PDLIM7: variants seen among roughly 807,000 people sequenced by gnomAD.
PDLIM7 encodes PDZ and LIM domain protein 7.
A neutral mutation model predicts 53.9 loss-of-function variants in PDLIM7; 37 were observed. The ratio of observed to expected loss-of-function variants is 0.69; its 90% confidence interval spans 0.53 to 0.90. The LOEUF (loss-of-function observed/expected upper bound fraction) is 0.90, where lower values mean the gene tolerates loss of function less well. Ranked by LOEUF, PDLIM7 falls within the 40% of genes least tolerant of loss-of-function variation. PDLIM7 has a pLI of 0.00. For synonymous variants in PDLIM7, 300 were observed against 261.3 expected (o/e 1.15, Z -1.43); for missense variants, 617 against 638.5 (o/e 0.97, Z 0.36).
chr5:177,492,648 G>A lies in PDLIM7; in HGVS notation c.126C>T (p.Ala42=), dbSNP rs780318668. ...RLTPGGKAAQ[A]GVAVGDWVLS... is the part of the protein sequence containing the mutation. ...GCACCCAGTCACCCACGGCCACTCC[G>A]GCCTGCGCCGCTTTGCCCCCAGGAG... The change falls in exon 3 of 13, where the codon GCC becomes GCT. Residue 42 remains alanine, a synonymous_variant. Transcript: ENST00000355841. 24 of 1,607,498 alleles carry A rather than the reference G, an allele frequency of 1.5e-5. No individual in the cohort carries two copies. The East Asian group carries it at 2.5e-4, about 16-fold the overall frequency.
At chr5:177,484,012 C>T in intron 11 of PDLIM7, 30 bp from the exon 12 acceptor site, 1 of 1,613,360 alleles carries the variant, frequency 6.2e-7, no homozygotes, top group Non-Finnish European at 8.5e-7. Context: ...GAAAGAGGAC[C>T]TGGATTCATG....
At chr5:177,496,317 G>T in intron 2 of PDLIM7, 100 bp downstream of exon 2, 1 of 826,594 alleles carries the variant, frequency 1.2e-6, no homozygotes. Flanking sequence ...CTGGCCTGCT[G>T]GCCCCTGACC....
Position 177,483,455 on chromosome 5 carries a change from C to T in PDLIM7, c.*189G>A, listed in dbSNP as rs1003085696. The T allele has an allele frequency of 4.5e-5, 25 of 553,956 alleles. No individual in the cohort carries two copies. Among genetic ancestry groups the T allele is most frequent in the Non-Finnish European group, 7.0e-5 (22 of 315,468 alleles). The allele number at this position is 553,956 out of a possible 1,614,324, so 34.3% of individuals were successfully genotyped here. On this transcript the variant is annotated 3_prime_UTR_variant, in exon 13 of 13. Coordinates refer to ENST00000355841, the MANE Select transcript of PDLIM7 (RefSeq NM_005451.5). ...GAAAGGGGGCTGGTGTGGCCAGCAC[C>T]GGTGTGCTGTGGTGGTGGAGGGAGT...
At chr5:177,489,167 G>A (rs543809124) in intron 9 of PDLIM7, among the ~76,000 whole-genome samples, 5 of 152,354 alleles carry the variant, frequency 3.3e-5, no homozygotes, top group South Asian at 2.1e-4. Flanking sequence ...TTGGCCCTTC[G>A]GCTATTTCGC....
intron 10 of PDLIM7, among the ~76,000 whole-genome samples, chr5:177,486,733 G>C (rs973744909): frequency 4.0e-5 from 6 of 151,810 alleles, no homozygotes; most frequent in Non-Finnish European, 5.9e-5. Context: ...CTGCCTCCCA[G>C]GTTCACGCCA....
rs1435343875 is a variant in PDLIM7 at position 177,488,108 on chromosome 5, T to C, written c.1010A>G (p.Tyr337Cys). 1 of 1,611,776 alleles carries C rather than the reference T, an allele frequency of 6.2e-7. No individual in the cohort carries two copies. Among genetic ancestry groups the C allele is most frequent in the East Asian group, 2.2e-5 (1 of 44,810 alleles). The change falls in exon 10 of 13, where the codon TAT becomes TGT. Residue 337 changes from tyrosine (Y) to cysteine (C), a missense_variant. By Grantham distance (194) the Tyr-to-Cys change is radical. Transcript: ENST00000355841. ...CTTGCACTTGGCACAGCTGGGTGCATAGCGCACGTCATAGCATGGTGGGCA... is the reference window on the plus strand; with the variant it reads ...CTTGCACTTGGCACAGCTGGGTGCACAGCGCACGTCATAGCATGGTGGGCA... The part of the protein sequence containing the change: ...IFCPPCYDVR[Y>C]APSCAKCKKK...
At chr5:177,491,423 G>T in intron 5 of PDLIM7, 1 of 1,550,542 alleles carries the variant, frequency 6.4e-7, no homozygotes, top group Non-Finnish European at 8.7e-7. Flanking sequence ...GTCTGCACCT[G>T]TGAAGGAAAT....
At chr5:177,490,503 C>G (rs367787761) in intron 7 of PDLIM7, 1 of 1,558,584 alleles carries the variant, frequency 6.4e-7, no homozygotes, top group East Asian at 2.4e-5. Context: ...CGGGCTACGA[C>G]TGCACGTTGA....
In PDLIM7 at chr5:177,489,834, T is replaced by C; in HGVS notation, c.573-2A>G. 1 of 1,584,694 alleles carries C rather than the reference T, an allele frequency of 6.3e-7. No individual in the cohort carries two copies. The highest frequency in any genetic ancestry group is 8.6e-7 in the Non-Finnish European group (1 of 1,167,008). Reference sequence around the variant, plus strand: ...GGGGCTTCTGTCCTGGGCACCTGGCTGCAAGATCTGCCATTCAAGGCCCTG... The same window carrying C: ...GGGGCTTCTGTCCTGGGCACCTGGCCGCAAGATCTGCCATTCAAGGCCCTG... On this transcript the variant is annotated splice_acceptor_variant, in intron 7 of 12. Transcript: ENST00000355841. LOFTEE classifies it high-confidence loss of function.
chr5:177,493,211 G>T (rs1368702676), intron 2 of PDLIM7, among the ~76,000 whole-genome samples: 1 of 152,298 alleles, frequency 6.6e-6, no homozygotes, highest in Non-Finnish European at 1.5e-5. Context: ...CATCTATAGG[G>T]GTCTGCTGGG....
intron 10 of PDLIM7, chr5:177,485,036 A>C (rs542938706): frequency 1.3e-5 from 2 of 152,772 alleles, no homozygotes; most frequent in South Asian, 4.1e-4. Context: ...AGCAGCAGCC[A>C]GCTGCCTTCC....
intron 2 of PDLIM7, among the ~76,000 whole-genome samples, chr5:177,495,555 A>AC (rs1759029194): frequency 6.6e-6 from 1 of 152,180 alleles, no homozygotes; most frequent in Non-Finnish European, 1.5e-5. Flanking sequence ...ACTGGACCAT[A>AC]TAGCTGGAGC....
At chr5:177,497,366 C>T (rs868793709) in intron 1 of PDLIM7, among the ~76,000 whole-genome samples, 162 bp downstream of exon 1, 1 of 151,998 alleles carries the variant, frequency 6.6e-6, no homozygotes, top group Non-Finnish European at 1.5e-5. Context: ...CCGCCGCAGC[C>T]GGCTTAGCGG....
intron 1 of PDLIM7, chr5:177,496,874 C>G: frequency 5.9e-6 from 1 of 170,404 alleles, no homozygotes; most frequent in Non-Finnish European, 1.3e-5. Context: ...GAGTCAGGGG[C>G]CGGCTCTCCT....
At chr5:177,496,110 T>TA (rs1759056852) in intron 2 of PDLIM7, among the ~76,000 whole-genome samples, 2 of 152,092 alleles carry the variant, frequency 1.3e-5, no homozygotes, top group South Asian at 4.1e-4. Flanking sequence ...CAAGTTTAGA[T>TA]ACCTCCTGAA....
chr5:177,496,318 G>A (rs1448867279), intron 2 of PDLIM7, 99 bp downstream of exon 2: 2 of 832,876 alleles, frequency 2.4e-6, no homozygotes, highest in Non-Finnish European at 3.5e-6. Context: ...TGGCCTGCTG[G>A]CCCCTGACCA....
In PDLIM7 at chr5:177,484,170, C is replaced by T; in HGVS notation, c.1071G>A (p.Lys357=). ...KITGEIMHAL[K]MTWHVHCFTC... is the part of the protein sequence containing the mutation. ...TAAAGCAGTGCACGTGCCAGGTCAT[C>T]TTCAGGGCGTGCATGATCTCCTGGA... Residue 357 remains lysine, a synonymous_variant, in exon 11 of 13, where the codon AAG becomes AAA. Coordinates refer to ENST00000355841, the MANE Select transcript of PDLIM7 (RefSeq NM_005451.5). The T allele has an allele frequency of 6.2e-7, 1 of 1,613,752 alleles. No homozygotes were observed. Among genetic ancestry groups the T allele is most frequent in the Non-Finnish European group, 8.5e-7 (1 of 1,179,992 alleles).
intron 2 of PDLIM7, among the ~76,000 whole-genome samples, chr5:177,493,931 A>C (rs1758931012): frequency 6.6e-6 from 1 of 152,122 alleles, no homozygotes; most frequent in East Asian, 1.9e-4. Flanking sequence ...GGTTTCAGAG[A>C]GATGTCAGAG....
intron 9 of PDLIM7, among the ~76,000 whole-genome samples, chr5:177,488,882 T>A (rs1218168985): frequency 1.3e-5 from 2 of 148,470 alleles, no homozygotes; most frequent in African/African-American, 5.0e-5. Context: ...ACAGTGAGAC[T>A]CTGTTTCAAA....
Sources: gnomAD v4.1 joint callset for allele counts (sites outside exome capture counted in the v4.1 genomes callset) on GRCh38, gnomAD v4.1.1 for gene constraint, MANE v1.5 for transcripts, NCBI Gene and HGNC (gene_info 2026-07-23, HGNC 2026-07-21) for gene names.